Variants in ITGBL1 observed in about 807,000 individuals in gnomAD.
ITGBL1 encodes integrin beta-like protein 1.
Under a neutral mutation model 68.5 loss-of-function variants are expected in ITGBL1, and 51 were observed. That is an observed-to-expected ratio of 0.74 (90% CI 0.59 to 0.94). The LOEUF (loss-of-function observed/expected upper bound fraction) is 0.94. Ranked by LOEUF, ITGBL1 falls within the 40% of genes least tolerant of loss-of-function variation. ITGBL1 has a pLI of 0.00. For synonymous variants in ITGBL1, 209 were observed against 227.3 expected, an observed-to-expected ratio of 0.92 and a Z score of 0.72; for missense variants, 649 against 647.4, an observed-to-expected ratio of 1.00 and a Z score of -0.03.
intron 2 of ITGBL1, among the ~76,000 whole-genome samples, chr13:101,544,054 A>T (rs928417796): frequency 2.0e-5 from 3 of 152,078 alleles, no homozygotes; most frequent in East Asian, 3.9e-4. Context: ...CTCTCAACTC[A>T]TCAAAGTCAT....
chr13:101,631,524 AAC>A (rs2031978070), intron 7 of ITGBL1, among the ~76,000 whole-genome samples: 1 of 152,158 alleles, frequency 6.6e-6, no homozygotes, highest in South Asian at 2.1e-4. Flanking sequence ...GAGAAGTGCA[AAC>A]ACATTTACAC....
intron 8 of ITGBL1, among the ~76,000 whole-genome samples, chr13:101,704,354 C>G (rs61965095): frequency 0.097 from 14,746 of 152,016 alleles, 941 homozygotes; most frequent in South Asian, 0.2. Flanking sequence ...GCTGGAGATA[C>G]AGCCCTGTGG....
chr13:101,702,609 G>A (rs543959092), intron 8 of ITGBL1, among the ~76,000 whole-genome samples: 1 of 151,768 alleles, frequency 6.6e-6, no homozygotes, highest in African/African-American at 2.4e-5. Flanking sequence ...ACAAAAAAAA[G>A]ACAGAATATT....
chr13:101,715,592 G>A lies in ITGBL1; in HGVS notation c.1423G>A (p.Glu475Lys), dbSNP rs1245501510. The change falls in exon 11 of 11, where the codon GAA becomes AAA. Residue 475 changes from glutamate (E) to lysine (K), a missense_variant. Coordinates refer to ENST00000376180, the MANE Select transcript of ITGBL1 (RefSeq NM_004791.3). The stretch of plus-strand genomic sequence containing the variant: ...TGGAATATGTAGCTGTGGAAACTGT[G>A]AATGCTGGGATGGATGGAATGGAAA... ...GNGICSCGNC[E>K]CWDGWNGNAC... 6.2e-7 allele frequency: 1 copy of A among 1,613,290 alleles called. No individual in the cohort carries two copies. The highest frequency in any genetic ancestry group is 2.2e-5 in the East Asian group (1 of 44,848).
chr13:101,509,579 C>T (rs1427589603), intron 2 of ITGBL1, among the ~76,000 whole-genome samples: 1 of 152,048 alleles, frequency 6.6e-6, no homozygotes, highest in Non-Finnish European at 1.5e-5. Context: ...AACCGATATT[C>T]AATATCATTA....
intron 2 of ITGBL1, among the ~76,000 whole-genome samples, chr13:101,468,498 G>A (rs773505584): frequency 6.6e-6 from 1 of 152,130 alleles, no homozygotes; most frequent in African/African-American, 2.4e-5. Context: ...AAGTAAGCCT[G>A]AGGAGAAATT....
At chr13:101,655,770 G>T (rs1233377121) in intron 7 of ITGBL1, among the ~76,000 whole-genome samples, 2 of 152,188 alleles carry the variant, frequency 1.3e-5, no homozygotes, top group Non-Finnish European at 2.9e-5. Flanking sequence ...ATCTTATGAC[G>T]CTGGCCATTG....
intron 2 of ITGBL1, among the ~76,000 whole-genome samples, chr13:101,456,071 ATGT>A (rs1349751361): frequency 6.6e-6 from 1 of 152,082 alleles, no homozygotes; most frequent in East Asian, 1.9e-4. Flanking sequence ...AGAAAATGAT[ATGT>A]TGTTTACTCA....
chr13:101,464,756 G>A (rs75803142), intron 2 of ITGBL1, among the ~76,000 whole-genome samples: 3,944 of 152,136 alleles, frequency 0.026, 165 homozygotes, highest in African/African-American at 0.087. Context: ...ATGTAAGTAT[G>A]TGCACAAACA....
At chr13:101,573,144 G>A (rs1388667733) in intron 3 of ITGBL1, among the ~76,000 whole-genome samples, 1 of 152,048 alleles carries the variant, frequency 6.6e-6, no homozygotes, top group African/African-American at 2.4e-5. Context: ...ATATGTGGGT[G>A]GTTGAGAGAC....
rs77227260 is a variant in ITGBL1, at chr13:101,566,756, T to A, written c.317-943T>A. 5.6e-3 allele frequency among the ~76,000 whole-genome samples: 855 copies of A among 152,266 alleles called. 3 individuals carry two copies. The highest frequency in any genetic ancestry group is 7.9e-3 in the Non-Finnish European group (539 of 68,024). ...TTAGACATAGTAGTATTGTCTTGAGTAATATATGTACACTCTTCCTGTAAC... is the reference window on the plus strand; with the variant it reads ...TTAGACATAGTAGTATTGTCTTGAGAAATATATGTACACTCTTCCTGTAAC... On this transcript the variant is annotated intron_variant, in intron 2 of 10. Transcript: ENST00000376180.
Position 101,673,115 on chromosome 13 carries a change from A to G in ITGBL1, c.1016-19470A>G, listed in dbSNP as rs541156866. On this transcript the variant is annotated intron_variant, in intron 7 of 10. Coordinates refer to ENST00000376180, the MANE Select transcript of ITGBL1 (RefSeq NM_004791.3). Reference sequence around the variant, plus strand: ...GAAGTTGACAATTTCATGCTGGGAAAAATTCTTCCCAAGACATTGAAATAA... The same window carrying G: ...GAAGTTGACAATTTCATGCTGGGAAGAATTCTTCCCAAGACATTGAAATAA... Among the ~76,000 whole-genome samples, 9 of 152,348 alleles carry G rather than the reference A, an allele frequency of 5.9e-5. No homozygotes were observed. In the South Asian group the frequency reaches 1.9e-3, roughly 32 times the overall value.
chr13:101,600,759 G>A (rs1334320508), intron 7 of ITGBL1, among the ~76,000 whole-genome samples: 2 of 152,122 alleles, frequency 1.3e-5, no homozygotes, highest in Non-Finnish European at 2.9e-5. Flanking sequence ...TGCATATGTT[G>A]TACCAGCCTT....
intron 2 of ITGBL1, among the ~76,000 whole-genome samples, chr13:101,456,850 G>A (rs140516503): frequency 0.033 from 5,076 of 152,246 alleles, 288 homozygotes; most frequent in African/African-American, 0.12. Flanking sequence ...GGCAGGCAGA[G>A]GTTGCAGTGA....
intron 2 of ITGBL1, among the ~76,000 whole-genome samples, chr13:101,523,517 A>G (rs1268699304): frequency 6.6e-6 from 1 of 152,138 alleles, no homozygotes; most frequent in African/African-American, 2.4e-5. Flanking sequence ...ATTGACAGTG[A>G]ACCTTCTGCT....
chr13:101,525,281 GATTC>G (rs2049355021), intron 2 of ITGBL1, among the ~76,000 whole-genome samples: 1 of 151,906 alleles, frequency 6.6e-6, no homozygotes, highest in African/African-American at 2.4e-5. Flanking sequence ...TCTTGTTTGG[GATTC>G]ATTCCTTTTC....
intron 2 of ITGBL1, among the ~76,000 whole-genome samples, chr13:101,558,911 A>G (rs76357809): frequency 3.3e-5 from 5 of 150,172 alleles, no homozygotes; most frequent in South Asian, 2.1e-4. Flanking sequence ...TTGTGTGTGT[A>G]TGTGTGTGTG....
chr13:101,570,945 A>G (rs906865195), intron 3 of ITGBL1, among the ~76,000 whole-genome samples: 6 of 152,166 alleles, frequency 3.9e-5, no homozygotes, highest in Admixed American at 2.0e-4. Flanking sequence ...CCTTGTCTCC[A>G]TTTTAATTTA....
chr13:101,637,060 GT>G (rs1462346845), intron 7 of ITGBL1, among the ~76,000 whole-genome samples: 2 of 152,132 alleles, frequency 1.3e-5, no homozygotes, highest in African/African-American at 2.4e-5. Context: ...TATTTTTATA[GT>G]TATAAAGTGT....
Sources: gnomAD v4.1 joint callset for allele counts (sites outside exome capture counted in the v4.1 genomes callset) on GRCh38, gnomAD v4.1.1 for gene constraint, MANE v1.5 for transcripts, NCBI Gene and HGNC (gene_info 2026-07-23, HGNC 2026-07-21) for gene names.